Variants in ZNF565 observed in about 807,000 individuals in gnomAD.
ZNF565 encodes the protein zinc finger protein 565.
A neutral mutation model predicts 39.4 loss-of-function variants in ZNF565; 27 were observed. That is an observed-to-expected ratio of 0.69 (90% CI 0.51 to 0.95). The LOEUF (loss-of-function observed/expected upper bound fraction) is 0.95. Among genes scored for constraint, ZNF565 ranks in the 40% least tolerant of loss-of-function variants. The pLI is 0.00. For synonymous variants in ZNF565, 185 were observed against 216.6 expected (o/e 0.85, Z 1.28); for missense variants, 524 against 621.1 (o/e 0.84, Z 1.66).
At chr19:36,216,856 T>C (rs1204431521), upstream of ZNF565, among the ~76,000 whole-genome samples, 1 of 58,140 alleles carries the variant, frequency 1.7e-5, no homozygotes, top group Admixed American at 1.5e-4. Context: ...GCTTGGTGGC[T>C]CACACCTGTG....
chr19:36,206,575 G>C (rs140044284), intron 1 of ZNF565, among the ~76,000 whole-genome samples: 3,102 of 152,052 alleles, frequency 0.02, 125 homozygotes, highest in African/African-American at 0.071. Flanking sequence ...TCATGCCTGT[G>C]ATCCCAGCAC....
intron 1 of ZNF565, among the ~76,000 whole-genome samples, chr19:36,234,080 G>C (rs552564545): frequency 6.6e-6 from 1 of 152,162 alleles, no homozygotes; most frequent in Non-Finnish European, 1.5e-5. Flanking sequence ...AGGGAGTGGT[G>C]ATGACTCTTA....
chr19:36,217,302 A>T (rs1427236412), upstream of ZNF565, among the ~76,000 whole-genome samples: 1 of 151,486 alleles, frequency 6.6e-6, no homozygotes, highest in Non-Finnish European at 1.5e-5. Context: ...ACCTCAAGTG[A>T]TCGGCCCGCC....
chr19:36,222,304 G>A (rs1340398146), intron 1 of ZNF565, among the ~76,000 whole-genome samples: 1 of 152,132 alleles, frequency 6.6e-6, no homozygotes, highest in African/African-American at 2.4e-5. Context: ...TTATTTGGAT[G>A]CACCATGGTT....
intron 4 of ZNF565, among the ~76,000 whole-genome samples, chr19:36,189,287 T>C (rs1021299183): frequency 6.6e-6 from 1 of 150,492 alleles, no homozygotes; most frequent in Non-Finnish European, 1.5e-5. Context: ...AGAACCTGTC[T>C]CACAAAAATA....
chr19:36,212,037 G>A (rs944497955), intron 1 of ZNF565, among the ~76,000 whole-genome samples: 9 of 152,152 alleles, frequency 5.9e-5, no homozygotes, highest in Non-Finnish European at 1.0e-4. Flanking sequence ...GAGAAATCTG[G>A]CAATCACCGT....
intron 1 of ZNF565, among the ~76,000 whole-genome samples, chr19:36,221,535 G>A (rs1009089030): frequency 3.9e-5 from 6 of 152,038 alleles, no homozygotes; most frequent in Middle Eastern, 3.4e-3. Flanking sequence ...TGATCCACCC[G>A]CATCAGCCTC....
chr19:36,231,988 A>G (rs1442777988), intron 1 of ZNF565, among the ~76,000 whole-genome samples: 1 of 151,976 alleles, frequency 6.6e-6, no homozygotes, highest in Non-Finnish European at 1.5e-5. Flanking sequence ...AGATCACCTG[A>G]GGTCAAGAGT....
upstream of ZNF565, among the ~76,000 whole-genome samples, chr19:36,219,371 C>G (rs529661873): frequency 3.3e-5 from 5 of 152,138 alleles, no homozygotes; most frequent in East Asian, 5.8e-4. Context: ...TACTATGTTG[C>G]CCAGGCTGGA....
At chr19:36,226,722 A>G (rs1252654586) in intron 1 of ZNF565, among the ~76,000 whole-genome samples, 3 of 152,222 alleles carry the variant, frequency 2.0e-5, no homozygotes, top group Non-Finnish European at 4.4e-5. Context: ...TTGATACATT[A>G]GTATTATTTA....
At chr19:36,198,180 G>A (rs543572485) in intron 2 of ZNF565, among the ~76,000 whole-genome samples, 2 of 152,152 alleles carry the variant, frequency 1.3e-5, no homozygotes, top group East Asian at 3.9e-4. Flanking sequence ...AGAGATATCT[G>A]CACTCCATGT....
chr19:36,193,172 T>G (rs1161467047), intron 4 of ZNF565, among the ~76,000 whole-genome samples: 1 of 151,792 alleles, frequency 6.6e-6, no homozygotes, highest in Non-Finnish European at 1.5e-5. Flanking sequence ...ATTTTTTGTA[T>G]TTTTAGTAGA....
At chr19:36,199,577 G>A (rs181563185) in intron 2 of ZNF565, among the ~76,000 whole-genome samples, 2 of 147,064 alleles carry the variant, frequency 1.4e-5, no homozygotes, top group East Asian at 2.0e-4. Context: ...GCATGATCTC[G>A]GCTCACTGCA....
chr19:36,207,721 C>T (rs1371039082), intron 1 of ZNF565, among the ~76,000 whole-genome samples: 3 of 152,172 alleles, frequency 2.0e-5, no homozygotes, highest in Non-Finnish European at 4.4e-5. Context: ...TAGGGCCATG[C>T]ACTGCTCTAG....
chr19:36,216,054 C>T (rs1319262585), upstream of ZNF565, among the ~76,000 whole-genome samples: 1 of 152,062 alleles, frequency 6.6e-6, no homozygotes, highest in East Asian at 1.9e-4. Context: ...CCCCCGCTGT[C>T]GTCATTGACA....
At chr19:36,188,379 A>G (rs1975392651) in intron 4 of ZNF565, among the ~76,000 whole-genome samples, 1 of 150,192 alleles carries the variant, frequency 6.7e-6, no homozygotes, top group South Asian at 2.1e-4. Flanking sequence ...AAAGAGAGAG[A>G]GAAAAAAAAA....
At chr19:36,243,376 T>G (rs969917965) in intron 1 of ZNF565, among the ~76,000 whole-genome samples, 1 of 152,164 alleles carries the variant, frequency 6.6e-6, no homozygotes, top group Non-Finnish European at 1.5e-5. Flanking sequence ...CAGACTTCCA[T>G]TACTGGCCAA....
intron 4 of ZNF565, among the ~76,000 whole-genome samples, chr19:36,185,485 G>A (rs1210491357): frequency 1.3e-5 from 2 of 151,034 alleles, no homozygotes; most frequent in Non-Finnish European, 2.9e-5. Context: ...GCAGATCCCT[G>A]CTTGTTTTTG....
chr19:36,193,720 C>T (rs996204339), intron 4 of ZNF565, among the ~76,000 whole-genome samples: 5 of 152,118 alleles, frequency 3.3e-5, no homozygotes, highest in East Asian at 1.9e-4. Flanking sequence ...GGATTACAGG[C>T]GTAGAGCCAC....
Sources: allele counts gnomAD v4.1 joint callset (sites outside exome capture counted in the v4.1 genomes callset), GRCh38; gene constraint gnomAD v4.1.1; transcripts MANE v1.5; gene names NCBI Gene and HGNC (gene_info 2026-07-23, HGNC 2026-07-21).